Variants in TSN observed in about 807,000 individuals in gnomAD.
The protein encoded by TSN is component 3 of promoter of RISC.
In TSN, 5 loss-of-function variants were observed where a neutral mutation model predicts 29.4. The observed-to-expected ratio is 0.17, with a 90% confidence interval of 0.09 to 0.36. The LOEUF is 0.36. Ranked by LOEUF, TSN falls within the 10% of genes least tolerant of loss-of-function variation. TSN has a pLI of 1.00. For missense variants in TSN, 159 were observed against 272.8 expected (o/e 0.58, Z 2.94); for synonymous variants, 106 against 102.2 (o/e 1.04, Z -0.23).
Position 121,759,941 on chromosome 2 carries a change from C to T in TSN, c.257+1135C>T, listed in dbSNP as rs539820593. The stretch of plus-strand genomic sequence containing the variant: ...TAAGAATATGTAACAGTGAAAGCGT[C>T]CCACAAAGCCTAAAATATTTACTAC... On this transcript the variant is annotated intron_variant, in intron 3 of 5. Coordinates refer to ENST00000389682, the MANE Select transcript of TSN (RefSeq NM_004622.3). Among the ~76,000 whole-genome samples the T allele has an allele frequency of 5.3e-5, 8 of 152,274 alleles. No individual in the cohort carries two copies. The East Asian group carries it at 1.5e-3, about 29-fold the overall frequency.
At chr2:121,756,293 T>C in intron 1 of TSN, 1 of 247,356 alleles carries the variant, frequency 4.0e-6, no homozygotes, top group Non-Finnish European at 8.2e-6. Flanking sequence ...TCTCTGTCTT[T>C]GTGTATGATG....
At chr2:121,756,240 C>T (rs1055879355) in intron 1 of TSN, 3 of 260,486 alleles carry the variant, frequency 1.2e-5, no homozygotes, top group African/African-American at 2.2e-5. Flanking sequence ...AAAAATCAGA[C>T]TCTACTGTGG....
chr2:121,765,165 G>C lies in TSN; in HGVS notation c.485G>C (p.Gly162Ala). ...CTGTCTGTCAACAGCGTGACTGCTG[G>C]AGACTACTCCCGACCCCTCCACATC... is the stretch of plus-strand genomic sequence containing the variant. Reference protein sequence around the residue: ...SRLSVNSVTAGDYSRPLHIST... With the variant: ...SRLSVNSVTAADYSRPLHIST... The change falls in exon 6 of 6, where the codon GGA becomes GCA. Residue 162 changes from glycine (G) to alanine (A), a missense_variant. Transcript: ENST00000389682. 6.2e-7 allele frequency: 1 copy of C among 1,614,182 alleles called. No homozygotes were observed.
chr2:121,763,775 A>G (rs1466444450), intron 5 of TSN, among the ~76,000 whole-genome samples: 1 of 152,230 alleles, frequency 6.6e-6, no homozygotes, highest in Admixed American at 6.5e-5. Context: ...ATTGCCCTGT[A>G]AAAGTCTAAA....
chr2:121,755,911 C>T lies in TSN; in HGVS notation c.66+66C>T. On this transcript the variant is annotated intron_variant, in intron 1 of 5. Coordinates refer to ENST00000389682, the MANE Select transcript of TSN (RefSeq NM_004622.3). ...CCTAGTTGGGCCACTTCGCCCGGCC[C>T]TCCTCTGTCGCTCAGTCTCGGGCGG... 5.0e-6 allele frequency: 8 copies of T among 1,607,224 alleles called. No homozygotes were observed. The South Asian group carries it at 7.7e-5, about 15-fold the overall frequency.
In TSN at chr2:121,767,300, G is replaced by A. The variant is rs2074915179; in HGVS notation, c.*1933G>A. 1 of 152,114 alleles carries A rather than the reference G, an allele frequency of 6.6e-6. No individual in the cohort carries two copies. The highest frequency in any genetic ancestry group is 1.5e-5 in the Non-Finnish European group (1 of 68,042). 9.4% of individuals were successfully genotyped at this position (152,114 alleles called of 1,614,324 possible). On this transcript the variant is annotated 3_prime_UTR_variant, in exon 6 of 6. Transcript: ENST00000389682. ...TTTTTTGGTCTTTTTGTAAGTGAGT[G>A]TGCTGCTGTAAGAAATCTCCCATGT...
In TSN at chr2:121,755,703, G is replaced by C. The variant is rs1573385023; in HGVS notation, c.-77G>C. The stretch of plus-strand genomic sequence containing the variant: ...GGCGGTAGCGGCGGCCGTTGCGATT[G>C]ATTGCGCTGGTTGCCTGCGGCGTCC... On this transcript the variant is annotated 5_prime_UTR_variant, in exon 1 of 6. Transcript: ENST00000389682. 6.3e-7 allele frequency: 1 copy of C among 1,584,294 alleles called. No homozygotes were observed. The highest frequency in any genetic ancestry group is 8.6e-7 in the Non-Finnish European group (1 of 1,162,902).
rs2106457939 is a variant in TSN, at chr2:121,765,217, C to T, written c.537C>T (p.Ser179=). 1.9e-6 allele frequency: 3 copies of T among 1,614,214 alleles called. No homozygotes were observed. The highest frequency in any genetic ancestry group is 1.1e-5 in the South Asian group (1 of 91,082). ...HISTFINELD[S]GFRLLNLKND... ...CCACCTTCATCAATGAGCTGGATTC[C>T]GGTTTTCGCCTTCTCAACCTGAAAA... Residue 179 remains serine (S), a synonymous_variant, in exon 6 of 6, where the codon TCC becomes TCT. Coordinates refer to ENST00000389682, the MANE Select transcript of TSN (RefSeq NM_004622.3).
intron 4 of TSN, among the ~76,000 whole-genome samples, chr2:121,761,734 A>G (rs78487617): frequency 0.011 from 1,621 of 152,302 alleles, 26 homozygotes; most frequent in African/African-American, 0.037. Flanking sequence ...CTGGTGTAGT[A>G]TTTGCATATA....
At chr2:121,762,064 C>G (rs1573390452) in intron 4 of TSN, among the ~76,000 whole-genome samples, 2 of 151,864 alleles carry the variant, frequency 1.3e-5, no homozygotes, top group East Asian at 3.9e-4. Flanking sequence ...GCAATCTCAG[C>G]TCACCACAAC....
At chr2:121,758,496 AT>A (rs1438373806) in intron 2 of TSN, among the ~76,000 whole-genome samples, 1 of 152,230 alleles carries the variant, frequency 6.6e-6, no homozygotes, top group Non-Finnish European at 1.5e-5. Flanking sequence ...CTCCTAATAT[AT>A]TCCCTTTTAG....
intron 3 of TSN, 24 bp from the exon 4 acceptor site, chr2:121,761,385 C>G (rs2074826040): frequency 1.3e-6 from 2 of 1,581,054 alleles, no homozygotes; most frequent in Non-Finnish European, 1.7e-6. Context: ...ACCTTGGAGG[C>G]TAAATGTGCT....
chr2:121,757,422 A>G lies in TSN; in HGVS notation c.160+89A>G, dbSNP rs1414826587. The G allele has an allele frequency of 3.2e-6, 5 of 1,582,872 alleles. No homozygotes were observed. The African/African-American group carries it at 4.1e-5, about 13-fold the overall frequency. On this transcript the variant is annotated intron_variant, in intron 2 of 5. Transcript: ENST00000389682. ...AGACATTTTATAATGAAAAATGGCT[A>G]TCATGCTTTATGGTGAGTAAAAATT...
Position 121,755,713 on chromosome 2 carries a change from G to T in TSN, c.-67G>T, listed in dbSNP as rs529000130. On this transcript the variant is annotated 5_prime_UTR_variant, in exon 1 of 6. Coordinates refer to ENST00000389682, the MANE Select transcript of TSN (RefSeq NM_004622.3). ...GCGGCCGTTGCGATTGATTGCGCTG[G>T]TTGCCTGCGGCGTCCACTTCCTTGG... 1 of 1,596,696 alleles carries T rather than the reference G, an allele frequency of 6.3e-7. No individual in the cohort carries two copies. The highest frequency in any genetic ancestry group is 1.1e-5 in the South Asian group (1 of 90,846).
rs948011555 is a variant in TSN at position 121,767,340 on chromosome 2, G to A, written c.*1973G>A. ...ATCTCCCATGTGCATAACAAATTCT[G>A]AATATTTTTTGAGGCTAAAGAAGAC... On this transcript the variant is annotated 3_prime_UTR_variant, in exon 6 of 6. Transcript: ENST00000389682. 1 of 152,074 alleles carries A rather than the reference G, an allele frequency of 6.6e-6. No individual in the cohort carries two copies. The highest frequency in any genetic ancestry group is 1.5e-5 in the Non-Finnish European group (1 of 68,030). 9.4% of individuals were successfully genotyped at this position (152,074 alleles called of 1,614,324 possible). A position where few individuals can be genotyped will look rare whatever the true frequency, so the allele number is the denominator to read the frequency against.
At chr2:121,762,439 A>G (rs1429474662) in intron 4 of TSN, among the ~76,000 whole-genome samples, 1 of 152,086 alleles carries the variant, frequency 6.6e-6, no homozygotes, top group Non-Finnish European at 1.5e-5. Context: ...TTTCCCAAAT[A>G]TTTTCTATCC....
chr2:121,760,176 T>C (rs1168569951), intron 3 of TSN, among the ~76,000 whole-genome samples: 4 of 152,204 alleles, frequency 2.6e-5, no homozygotes, highest in Admixed American at 2.0e-4. Flanking sequence ...CCTGTCAGAT[T>C]GGTGGCAGCA....
chr2:121,764,604 C>T (rs144892769), intron 5 of TSN, among the ~76,000 whole-genome samples: 2 of 152,008 alleles, frequency 1.3e-5, no homozygotes, highest in East Asian at 3.9e-4. Flanking sequence ...TGTATACTGA[C>T]ACCGAGAAGG....
chr2:121,758,869 T>A, intron 3 of TSN, 63 bp downstream of exon 3: 1 of 1,127,024 alleles, frequency 8.9e-7, no homozygotes, highest in Non-Finnish European at 1.2e-6. Context: ...AAATTATGTG[T>A]ACCAAATGAT....
Sources: gnomAD v4.1 joint callset for allele counts (sites outside exome capture counted in the v4.1 genomes callset) on GRCh38, gnomAD v4.1.1 for gene constraint, MANE v1.5 for transcripts, NCBI Gene and HGNC (gene_info 2026-07-23, HGNC 2026-07-21) for gene names.